The following C13orf42 variants were observed in gnomAD, a reference collection of about 807,000 sequenced individuals.
The protein encoded by C13orf42 is chromosome 13 open reading frame 42.
chr13:51,160,058 A>C, intron 1 of C13orf42, among the ~76,000 whole-genome samples: 1 of 152,196 alleles, frequency 6.6e-6, no homozygotes, highest in East Asian at 1.9e-4. Flanking sequence ...ACTGGCTCCC[A>C]TGATTCAATT....
At chr13:51,153,630 C>CTTTTT (rs1206289963) in intron 1 of C13orf42, among the ~76,000 whole-genome samples, 4 of 81,204 alleles carry the variant, frequency 4.9e-5, no homozygotes, top group Non-Finnish European at 9.6e-5. Context: ...TGTTTTTTTT[C>CTTTTT]TTTTTTTTTT....
At chr13:51,090,624 G>T (rs552484738) in intron 1 of C13orf42, among the ~76,000 whole-genome samples, 1 of 152,110 alleles carries the variant, frequency 6.6e-6, no homozygotes, top group African/African-American at 2.4e-5. Context: ...TTTTTATCTG[G>T]GTTACCCTAT....
chr13:51,133,673 C>T (rs748933339), intron 1 of C13orf42, among the ~76,000 whole-genome samples: 12 of 152,168 alleles, frequency 7.9e-5, no homozygotes, highest in Non-Finnish European at 1.5e-4. Flanking sequence ...TGTGGGTGCC[C>T]GGGTGCCTTC....
rs1953087941 is a variant in C13orf42, at chr13:51,083,561, C to T, written c.*590G>A. ...GGCTCGTGACATACCCCTTCCCTCA[C>T]CCCATTGCCAGGGCATTAGCCTCAT... On this transcript the variant is annotated 3_prime_UTR_variant, in exon 4 of 4. Transcript: ENST00000563710. 6.6e-6 allele frequency: 1 copy of T among 152,218 alleles called. No individual in the cohort carries two copies. Among genetic ancestry groups the T allele is most frequent in the African/African-American group, 2.4e-5 (1 of 41,450 alleles). The allele number at this position is 152,218 out of a possible 1,614,324, so 9.4% of individuals were successfully genotyped here. A position where few individuals can be genotyped will look rare whatever the true frequency, so the allele number is the denominator to read the frequency against.
chr13:51,107,742 A>G (rs187512638), intron 1 of C13orf42, among the ~76,000 whole-genome samples: 2 of 152,332 alleles, frequency 1.3e-5, no homozygotes, highest in Non-Finnish European at 2.9e-5. Context: ...TGCTCTGGAG[A>G]TAGAAAAATG....
At position 51,083,854 on chromosome 13, in the gene C13orf42, G is replaced by A. The variant is rs1335419064; in HGVS notation, c.*297C>T. On this transcript the variant is annotated 3_prime_UTR_variant, in exon 4 of 4. Coordinates refer to ENST00000563710, the MANE Select transcript of C13orf42 (RefSeq NM_001351589.3). ...AGGCCAGGTGAGGTCAGGGGAGTGA[G>A]CCCAGACACTCCACTCAAGACCTTC... 3 of 237,816 alleles carry A rather than the reference G, an allele frequency of 1.3e-5. No homozygotes were observed. The highest frequency in any genetic ancestry group is 6.7e-5 in the African/African-American group (3 of 44,666). The allele number at this position is 237,816 out of a possible 1,614,324, so 14.7% of individuals were successfully genotyped here. A position where few individuals can be genotyped will look rare whatever the true frequency, so the allele number is the denominator to read the frequency against.
At chr13:51,123,199 G>T (rs1439603866) in intron 1 of C13orf42, among the ~76,000 whole-genome samples, 1 of 152,208 alleles carries the variant, frequency 6.6e-6, no homozygotes, top group South Asian at 2.1e-4. Flanking sequence ...GGTCGGTCAG[G>T]ATGGGCTACT....
intron 1 of C13orf42, among the ~76,000 whole-genome samples, chr13:51,109,655 G>A (rs1269308212): frequency 1.3e-5 from 2 of 152,126 alleles, no homozygotes; most frequent in African/African-American, 4.8e-5. Flanking sequence ...TTGGGAAGCT[G>A]AGGTGGCAGG....
At chr13:51,093,650 T>C (rs1356075733) in intron 1 of C13orf42, among the ~76,000 whole-genome samples, 11 of 152,180 alleles carry the variant, frequency 7.2e-5, no homozygotes. Flanking sequence ...TCGTGCGATG[T>C]TGACATCGAT....
At chr13:51,146,906 T>C (rs1953740071) in intron 1 of C13orf42, among the ~76,000 whole-genome samples, 1 of 152,220 alleles carries the variant, frequency 6.6e-6, no homozygotes, top group Admixed American at 6.5e-5. Context: ...TCAGTGTCTG[T>C]CTGGCCTGCA....
chr13:51,154,016 T>C (rs1366315618), intron 1 of C13orf42, among the ~76,000 whole-genome samples: 1 of 151,988 alleles, frequency 6.6e-6, no homozygotes, highest in Non-Finnish European at 1.5e-5. Flanking sequence ...CCCCAGCCCC[T>C]GACAACCACC....
At chr13:51,148,082 T>C (rs1953752441) in intron 1 of C13orf42, among the ~76,000 whole-genome samples, 1 of 152,218 alleles carries the variant, frequency 6.6e-6, no homozygotes, top group African/African-American at 2.4e-5. Context: ...CAGCACTGGA[T>C]GACGCTTTGC....
intron 1 of C13orf42, among the ~76,000 whole-genome samples, chr13:51,089,647 T>C (rs1953162963): frequency 6.6e-6 from 1 of 151,914 alleles, no homozygotes; most frequent in African/African-American, 2.4e-5. Context: ...TTAAACCTCT[T>C]TTATTTACAA....
intron 3 of C13orf42, among the ~76,000 whole-genome samples, chr13:51,084,843 G>A (rs1953105188): frequency 6.6e-6 from 1 of 152,202 alleles, no homozygotes; most frequent in South Asian, 2.1e-4. Context: ...GGAGATGGTG[G>A]TAAGATGGCC....
intron 1 of C13orf42, among the ~76,000 whole-genome samples, chr13:51,169,845 G>A (rs1953932709): frequency 6.6e-6 from 1 of 152,250 alleles, no homozygotes; most frequent in African/African-American, 2.4e-5. Context: ...TGTCCAGGAA[G>A]ATTGCTGCAG....
At chr13:51,096,631 G>T (rs1212074048) in intron 1 of C13orf42, among the ~76,000 whole-genome samples, 3 of 152,156 alleles carry the variant, frequency 2.0e-5, no homozygotes, top group Non-Finnish European at 4.4e-5. Flanking sequence ...CCCACTGAAT[G>T]CAGTTTAAGA....
chr13:51,121,989 TATACA>T (rs1953539484), intron 1 of C13orf42, among the ~76,000 whole-genome samples: 1 of 152,208 alleles, frequency 6.6e-6, no homozygotes, highest in African/African-American at 2.4e-5. Context: ...TAAAACAGTA[TATACA>T]ATACATTCCC....
chr13:51,090,364 C>G (rs545394337), intron 1 of C13orf42, among the ~76,000 whole-genome samples: 106 of 151,524 alleles, frequency 7.0e-4, no homozygotes, highest in African/African-American at 2.1e-3. Context: ...TGACAGATAT[C>G]ACTTTAGAGA....
At chr13:51,105,325 G>A (rs530299797) in intron 1 of C13orf42, among the ~76,000 whole-genome samples, 64 of 152,320 alleles carry the variant, frequency 4.2e-4, no homozygotes, top group African/African-American at 1.3e-3. Context: ...TCGCAAGACC[G>A]ACTACCCCCA....
Sources: allele counts gnomAD v4.1 joint callset (sites outside exome capture counted in the v4.1 genomes callset), GRCh38; gene constraint gnomAD v4.1.1; transcripts MANE v1.5; gene names NCBI Gene and HGNC (gene_info 2026-07-23, HGNC 2026-07-21).